CUBN: variants seen among roughly 807,000 people sequenced by gnomAD.
CUBN encodes the protein cubilin, also known as 460 kDa receptor.
CUBN carries 282 observed loss-of-function variants against 405.3 expected under a neutral mutation model. The ratio of observed to expected loss-of-function variants is 0.70; its 90% CI spans 0.63 to 0.77. CUBN has a LOEUF of 0.77. Among genes scored for constraint, CUBN ranks in the 30% least tolerant of loss-of-function variants. The pLI, the probability that CUBN is intolerant of heterozygous loss-of-function variation, is 0.00. For missense variants in CUBN, 4,514 were observed against 4,475.2 expected, an observed-to-expected ratio of 1.01 and a Z score of -0.25; for synonymous variants, 1,684 against 1,617.0, an observed-to-expected ratio of 1.04 and a Z score of -0.99.
At chr10:17,090,407 GA>G (rs897929700) in intron 14 of CUBN, among the ~76,000 whole-genome samples, 94 of 146,742 alleles carry the variant, frequency 6.4e-4, no homozygotes, top group African/African-American at 1.8e-3. Flanking sequence ...GAAGGGACAG[GA>G]AAAAAAAAAG....
chr10:16,932,290 C>T (rs922071845), intron 40 of CUBN, among the ~76,000 whole-genome samples: 1 of 152,162 alleles, frequency 6.6e-6, no homozygotes, highest in Non-Finnish European at 1.5e-5. Context: ...AAACACGTTT[C>T]TTTTTGCTGA....
At chr10:16,953,209 G>C (rs1842965465) in intron 32 of CUBN, among the ~76,000 whole-genome samples, 2 of 152,198 alleles carry the variant, frequency 1.3e-5, no homozygotes, top group South Asian at 2.1e-4. Flanking sequence ...GGTTGTTACA[G>C]TCCGGATGAA....
At chr10:16,837,793 G>A (rs578037190) in intron 62 of CUBN, among the ~76,000 whole-genome samples, 4 of 151,990 alleles carry the variant, frequency 2.6e-5, no homozygotes, top group Non-Finnish European at 4.4e-5. Flanking sequence ...TACCCAGTCC[G>A]AAACCCTTGA....
At chr10:16,958,477 G>C (rs976692889) in intron 31 of CUBN, among the ~76,000 whole-genome samples, 1 of 152,140 alleles carries the variant, frequency 6.6e-6, no homozygotes, top group East Asian at 1.9e-4. Context: ...AGTGAGCTGC[G>C]ATTGCACCAC....
chr10:17,011,049 C>T (rs1834165507), intron 28 of CUBN, among the ~76,000 whole-genome samples: 1 of 152,162 alleles, frequency 6.6e-6, no homozygotes, highest in Non-Finnish European at 1.5e-5. Context: ...TGCTTGGTTC[C>T]TGGTATAATC....
rs74116739 is a variant in CUBN, at chr10:16,832,610, C to T, written c.10363-1193G>A. On this transcript the variant is annotated intron_variant, in intron 64 of 66. Transcript: ENST00000377833. ...CCCTCAGGGTCCTCTTTCAAAATGC[C>T]GTTGCTCTGAGAGGAGCAGCAGGAT... is the stretch of plus-strand genomic sequence containing the variant. Among the ~76,000 whole-genome samples the T allele has an allele frequency of 8.2e-3, 1,254 of 152,270 alleles. 19 individuals carry two copies. The highest frequency in any genetic ancestry group is 0.028 in the African/African-American group (1,156 of 41,556).
In CUBN at chr10:16,836,246, T is replaced by C. The variant is rs1839163580; in HGVS notation, c.10169A>G (p.Tyr3390Cys). 1 of 1,613,588 alleles carries C rather than the reference T, an allele frequency of 6.2e-7. No homozygotes were observed. The highest frequency in any genetic ancestry group is 8.5e-7 in the Non-Finnish European group (1 of 1,179,500). Residue 3390 changes from tyrosine to cysteine, a missense_variant, in exon 63 of 67, where the codon TAT (tyrosine) becomes TGT (cysteine). Physicochemically the swap from Tyr to Cys is radical, Grantham distance 194 (BLOSUM62 -2). Around this residue, in one of 5 missense-constraint regions of CUBN, gnomAD observed 1,186 missense variants for 1,186.9 expected, o/e 1.00. Transcript: ENST00000377833. Reference protein sequence around the residue: ...VNRNSRMSFTYQIADCNRDYH... With the variant: ...VNRNSRMSFTCQIADCNRDYH... ...GTTCCTGGCCTCACCTGCAATCTGA[T>C]AGGTGAAACTCATTCTAGAGTTTCT...
intron 56 of CUBN, among the ~76,000 whole-genome samples, chr10:16,888,069 TG>T (rs1840873845): frequency 6.6e-6 from 1 of 152,156 alleles, no homozygotes; most frequent in Non-Finnish European, 1.5e-5. Context: ...TACCAGAGGC[TG>T]GTAGGGTATG....
At chr10:17,051,271 G>T (rs1564495066) in intron 22 of CUBN, among the ~76,000 whole-genome samples, 1 of 152,114 alleles carries the variant, frequency 6.6e-6, no homozygotes, top group Non-Finnish European at 1.5e-5. Context: ...TAAGGCAGGA[G>T]GATCGCTTGA....
At chr10:16,941,616 G>C (rs1588502876) in intron 36 of CUBN, among the ~76,000 whole-genome samples, 1 of 152,120 alleles carries the variant, frequency 6.6e-6, no homozygotes, top group Non-Finnish European at 1.5e-5. Context: ...GGCTGAGGTG[G>C]GAGGATCACT....
At chr10:16,995,854 A>G (rs1181955950) in intron 28 of CUBN, among the ~76,000 whole-genome samples, 1 of 152,202 alleles carries the variant, frequency 6.6e-6, no homozygotes, top group Admixed American at 6.5e-5. Context: ...TTTGAAATGC[A>G]TTATTTTATT....
intron 55 of CUBN, 44 bp downstream of exon 55, chr10:16,890,327 C>G: frequency 2.5e-6 from 4 of 1,607,894 alleles, no homozygotes; most frequent in Non-Finnish European, 3.4e-6. Flanking sequence ...GTGACAACCA[C>G]ACTCCCGCAA....
intron 59 of CUBN, among the ~76,000 whole-genome samples, chr10:16,863,036 A>G (rs1483059862): frequency 6.6e-6 from 1 of 152,240 alleles, no homozygotes; most frequent in Admixed American, 6.5e-5. Flanking sequence ...AAATATGTTT[A>G]TTAAGAACCT....
chr10:17,063,771 A>G (rs1335231718), intron 22 of CUBN, among the ~76,000 whole-genome samples: 1 of 152,202 alleles, frequency 6.6e-6, no homozygotes, highest in Non-Finnish European at 1.5e-5. Context: ...TGCCTGTATT[A>G]TATGTTATCT....
intron 5 of CUBN, 30 bp from the exon 6 acceptor site, chr10:17,122,928 G>A (rs753160169): frequency 8.1e-6 from 12 of 1,489,372 alleles, no homozygotes; most frequent in Admixed American, 1.7e-5. Flanking sequence ...AAAGTCAGGT[G>A]CCAAAGGTCA....
At chr10:16,866,733 G>C (rs114108747) in intron 59 of CUBN, among the ~76,000 whole-genome samples, 30 of 152,254 alleles carry the variant, frequency 2.0e-4, no homozygotes, top group South Asian at 1.5e-3. Context: ...TGGAGCACAG[G>C]GGGGAGACAA....
intron 55 of CUBN, 43 bp from the exon 56 acceptor site, chr10:16,888,609 G>T: frequency 6.3e-7 from 1 of 1,576,910 alleles, no homozygotes; most frequent in Non-Finnish European, 8.7e-7. Flanking sequence ...TTTATTTCTC[G>T]TGTATCTATT....
At chr10:16,967,871 G>GGGAGAGAGAGAGAAGGAGAGAC (rs1843441953) in intron 31 of CUBN, among the ~76,000 whole-genome samples, 1 of 149,742 alleles carries the variant, frequency 6.7e-6, no homozygotes, top group African/African-American at 2.5e-5. Flanking sequence ...AGGAGAGACA[G>GGGAGAGAGAGAGAAGGAGAGAC]GGAGAGAGAG....
intron 55 of CUBN, among the ~76,000 whole-genome samples, chr10:16,890,098 C>G (rs1193525195): frequency 1.1e-4 from 17 of 152,144 alleles, no homozygotes; most frequent in Non-Finnish European, 1.8e-4. Flanking sequence ...ACGAACTAGC[C>G]ATCTGCGCTT....
Sources: gnomAD v4.1 joint callset for allele counts (sites outside exome capture counted in the v4.1 genomes callset) on GRCh38, gnomAD v4.1.1 for gene constraint, gnomAD v4.1.1 regional missense constraint, MANE v1.5 for transcripts, NCBI Gene and HGNC (gene_info 2026-07-23, HGNC 2026-07-21) for gene names.